PRELID2: variants seen among roughly 807,000 people sequenced by gnomAD.
PRELID2 encodes PRELI domain containing 2, also known as PRELI domain-containing protein 2.
PRELID2 carries 25 observed loss-of-function variants against 28.4 expected under a neutral mutation model. That is an observed-to-expected ratio of 0.88 (90% CI 0.64 to 1.23). PRELID2 has a LOEUF of 1.23. PRELID2 is among the 50% of genes most tolerant of loss of function. PRELID2 has a pLI of 0.00. For missense variants in PRELID2, 201 were observed against 214.4 expected, an observed-to-expected ratio of 0.94 and a Z score of 0.39; for synonymous variants, 76 against 71.6, an observed-to-expected ratio of 1.06 and a Z score of -0.31.
chr5:145,263,116 C>A, the PRELID2 span, among the ~76,000 whole-genome samples: 1 of 152,006 alleles, frequency 6.6e-6, no homozygotes, highest in South Asian at 2.1e-4. Context: ...AATAAAAAAA[C>A]TCACCCAACA....
At chr5:145,415,404 G>C in the PRELID2 span, among the ~76,000 whole-genome samples, 1 of 151,324 alleles carries the variant, frequency 6.6e-6, no homozygotes, top group Non-Finnish European at 1.5e-5. Context: ...TTAGCATTAG[G>C]TATATCACCT....
At chr5:145,408,398 TA>T in the PRELID2 span, among the ~76,000 whole-genome samples, 94 of 23,584 alleles carry the variant, frequency 4.0e-3, 1 homozygote, top group African/African-American at 0.022. Flanking sequence ...AAGAAATTTA[TA>T]TATATATATA....
chr5:145,564,860 A>G (rs539252285), intron 1 of PRELID2, among the ~76,000 whole-genome samples: 38 of 152,354 alleles, frequency 2.5e-4, no homozygotes, highest in African/African-American at 8.4e-4. Flanking sequence ...AGAAAGCTTC[A>G]GGAGACTTCC....
chr5:145,796,190 T>TA (rs1752733801), intron 5 of PRELID2: 2 of 306,090 alleles, frequency 6.5e-6, no homozygotes, highest in Admixed American at 9.4e-5. Context: ...TTAATTAGAT[T>TA]ATAAGTATGC....
At chr5:145,453,341 A>T in the PRELID2 span, among the ~76,000 whole-genome samples, 3 of 152,196 alleles carry the variant, frequency 2.0e-5, no homozygotes, top group Admixed American at 1.3e-4. Flanking sequence ...CAAAACTCAC[A>T]TTCATCAGAC....
chr5:145,544,536 A>T (rs1752770054), intron 1 of PRELID2, among the ~76,000 whole-genome samples: 1 of 152,116 alleles, frequency 6.6e-6, no homozygotes, highest in Non-Finnish European at 1.5e-5. Flanking sequence ...TCCATTCTGG[A>T]GACTTGGCAT....
the PRELID2 span, among the ~76,000 whole-genome samples, chr5:145,279,302 C>T: frequency 6.6e-6 from 1 of 152,154 alleles, no homozygotes; most frequent in East Asian, 1.9e-4. Flanking sequence ...CCCAAATTGG[C>T]TCAAAAATAT....
chr5:145,660,302 A>G (rs1434613365), intron 1 of PRELID2, among the ~76,000 whole-genome samples: 1 of 152,234 alleles, frequency 6.6e-6, no homozygotes, highest in East Asian at 1.9e-4. Context: ...GAAGGTGTTG[A>G]ATTCCATCAT....
At chr5:145,240,823 A>T in the PRELID2 span, among the ~76,000 whole-genome samples, 25 of 152,078 alleles carry the variant, frequency 1.6e-4, no homozygotes, top group East Asian at 4.8e-3. Flanking sequence ...AAAAATTAAC[A>T]TGTTTGTTTC....
chr5:145,456,959 G>A, the PRELID2 span, among the ~76,000 whole-genome samples: 41 of 152,226 alleles, frequency 2.7e-4, no homozygotes, highest in African/African-American at 8.9e-4. Context: ...AACAAAGTCA[G>A]GTCTTCTAAA....
intron 1 of PRELID2, among the ~76,000 whole-genome samples, chr5:145,606,027 T>C (rs111846956): frequency 0.035 from 5,313 of 152,042 alleles, 282 homozygotes; most frequent in African/African-American, 0.12. Flanking sequence ...CTTTTTGTGG[T>C]TATTATTAAT....
chr5:145,722,491 G>A (rs1464456080), intron 1 of PRELID2, among the ~76,000 whole-genome samples: 2 of 128,610 alleles, frequency 1.6e-5, no homozygotes, highest in Non-Finnish European at 3.0e-5. Context: ...GTAGAAACCA[G>A]TATCAAATTA....
At chr5:145,393,791 G>C in the PRELID2 span, among the ~76,000 whole-genome samples, 5 of 152,254 alleles carry the variant, frequency 3.3e-5, no homozygotes, top group Non-Finnish European at 7.4e-5. Context: ...AAAATTTTAG[G>C]CCAAATTTAA....
At chr5:145,597,217 A>T (rs1473356711) in intron 1 of PRELID2, among the ~76,000 whole-genome samples, 1 of 152,222 alleles carries the variant, frequency 6.6e-6, no homozygotes, top group Non-Finnish European at 1.5e-5. Context: ...GCATGGAAAT[A>T]AATTATCCTA....
exon 3 of PRELID2, chr5:145,471,883 C>T (rs1230593627): frequency 2.0e-5 from 3 of 152,146 alleles, no homozygotes; most frequent in African/African-American, 7.2e-5. Context: ...GAGGAGCCAG[C>T]TCCACAATGG....
the PRELID2 span, among the ~76,000 whole-genome samples, chr5:145,335,400 C>T: frequency 4.0e-5 from 6 of 151,712 alleles, no homozygotes; most frequent in African/African-American, 1.5e-4. Flanking sequence ...TTTGTGTTCT[C>T]TTGCAGCTGA....
intron 1 of PRELID2, among the ~76,000 whole-genome samples, chr5:145,515,993 AAAT>A (rs1192379897): frequency 1.3e-5 from 2 of 152,204 alleles, no homozygotes; most frequent in Admixed American, 1.3e-4. Flanking sequence ...GTGTATCTCA[AAAT>A]AATAAGAGCT....
the PRELID2 span, among the ~76,000 whole-genome samples, chr5:145,457,327 C>A: frequency 9.2e-5 from 14 of 152,042 alleles, no homozygotes; most frequent in Admixed American, 2.0e-4. Context: ...AAGCAAAGAT[C>A]CTTGAACCAT....
the PRELID2 span, among the ~76,000 whole-genome samples, chr5:145,247,741 A>G: frequency 6.6e-6 from 1 of 152,120 alleles, no homozygotes; most frequent in South Asian, 2.1e-4. Context: ...CTGTCCCCCA[A>G]ACAGGAGCTA....
Sources: gnomAD v4.1 joint callset for allele counts (sites outside exome capture counted in the v4.1 genomes callset) on GRCh38, gnomAD v4.1.1 for gene constraint, MANE v1.5 for transcripts, NCBI Gene and HGNC (gene_info 2026-07-23, HGNC 2026-07-21) for gene names.